SPTLC2: variants seen among roughly 807,000 people sequenced by gnomAD.
The protein encoded by SPTLC2 is serine palmitoyltransferase 2.
SPTLC2 carries 21 observed loss-of-function variants against 62.0 expected under a neutral mutation model. That is an observed-to-expected ratio of 0.34 (90% CI 0.24 to 0.49). SPTLC2 has a LOEUF of 0.49. SPTLC2 is among the 20% of genes least tolerant of loss of function. The probability of loss-of-function intolerance (pLI) is 0.99; values close to 1 mark genes in which losing one functional copy is unlikely to be tolerated. For synonymous variants in SPTLC2, 261 were observed against 261.8 expected, an observed-to-expected ratio of 1.00 and a Z score of 0.03; for missense variants, 511 against 713.0, an observed-to-expected ratio of 0.72 and a Z score of 3.23.
intron 2 of SPTLC2, among the ~76,000 whole-genome samples, chr14:77,593,543 A>G (rs2079830418): frequency 6.6e-6 from 1 of 152,246 alleles, no homozygotes; most frequent in South Asian, 2.1e-4. Context: ...ATAACAGAGG[A>G]TTAAGGGGTA....
At chr14:77,598,250 G>C (rs756599413) in intron 1 of SPTLC2, among the ~76,000 whole-genome samples, 6 of 152,028 alleles carry the variant, frequency 3.9e-5, no homozygotes, top group South Asian at 4.1e-4. Flanking sequence ...GTAAAAGAAG[G>C]GGAGCAAGAA....
At chr14:77,599,341 T>C (rs1460438992) in intron 1 of SPTLC2, among the ~76,000 whole-genome samples, 2 of 152,196 alleles carry the variant, frequency 1.3e-5, no homozygotes, top group African/African-American at 4.8e-5. Context: ...TTTCTTGCCC[T>C]CTCAGGCAAT....
At chr14:77,526,040 T>A (rs1356782475) in intron 9 of SPTLC2, among the ~76,000 whole-genome samples, 1 of 152,222 alleles carries the variant, frequency 6.6e-6, no homozygotes, top group Admixed American at 6.5e-5. Context: ...TTTAACTTAC[T>A]AATTTCAAAG....
chr14:77,543,827 GC>G (rs2066413528), intron 9 of SPTLC2, among the ~76,000 whole-genome samples: 1 of 152,022 alleles, frequency 6.6e-6, no homozygotes, highest in Non-Finnish European at 1.5e-5. Flanking sequence ...AGCATCCCAG[GC>G]ATTTAGAGTT....
At chr14:77,568,674 G>C (rs542986369) in intron 5 of SPTLC2, among the ~76,000 whole-genome samples, 2 of 151,980 alleles carry the variant, frequency 1.3e-5, no homozygotes, top group Non-Finnish European at 2.9e-5. Context: ...CAGGTGTGGT[G>C]GTGGGCGCCT....
intron 5 of SPTLC2, among the ~76,000 whole-genome samples, chr14:77,567,859 C>A (rs1475458884): frequency 4.8e-5 from 7 of 144,548 alleles, no homozygotes; most frequent in African/African-American, 7.6e-5. Flanking sequence ...TGGAGTCTGG[C>A]TGCTTTACTT....
chr14:77,615,782 G>C lies in SPTLC2; in HGVS notation c.132+666C>G, dbSNP rs2079963209. 2.0e-5 allele frequency among the ~76,000 whole-genome samples: 3 copies of C among 152,288 alleles called. No homozygotes were observed. In the South Asian group the frequency reaches 6.2e-4, roughly 32 times the overall value. On this transcript the variant is annotated intron_variant, in intron 1 of 11. Coordinates refer to ENST00000216484, the MANE Select transcript of SPTLC2 (RefSeq NM_004863.4). ...ACAATCCCCTTGTGTGATAGCACTC[G>C]TGTTCAGGAAAGGGTCGAAGGGGCC... is the stretch of plus-strand genomic sequence containing the variant.
At chr14:77,573,684 G>A (rs980347487) in intron 4 of SPTLC2, among the ~76,000 whole-genome samples, 2 of 152,166 alleles carry the variant, frequency 1.3e-5, no homozygotes, top group African/African-American at 4.8e-5. Flanking sequence ...GTGGAGTGCA[G>A]TGGTGTGATC....
intron 9 of SPTLC2, among the ~76,000 whole-genome samples, chr14:77,530,712 T>A (rs1275951837): frequency 2.6e-5 from 4 of 152,182 alleles, no homozygotes; most frequent in Non-Finnish European, 5.9e-5. Context: ...GAAACTAAAC[T>A]GATGCCCAGT....
Position 77,574,160 on chromosome 14 carries a change from A to G in SPTLC2, c.631+2607T>C, listed in dbSNP as rs575336060. ...TCACTCTGTTCTGATATTTTGTTACAGCAGCCACAGGAAACTAATACAACT... is the reference window on the plus strand; with the variant it reads ...TCACTCTGTTCTGATATTTTGTTACGGCAGCCACAGGAAACTAATACAACT... On this transcript the variant is annotated intron_variant, in intron 4 of 11. Transcript: ENST00000216484. 1.4e-3 allele frequency among the ~76,000 whole-genome samples: 216 copies of G among 152,330 alleles called. 3 individuals are homozygous for G. The highest frequency in any genetic ancestry group is 1.2e-3 in the Non-Finnish European group (79 of 68,026).
chr14:77,615,242 T>C (rs938049539), intron 1 of SPTLC2, among the ~76,000 whole-genome samples: 2 of 152,232 alleles, frequency 1.3e-5, no homozygotes, highest in Non-Finnish European at 1.5e-5. Context: ...TTTGACACCT[T>C]ACAACTTCAG....
At chr14:77,541,527 C>CG (rs1430464316) in intron 9 of SPTLC2, among the ~76,000 whole-genome samples, 3 of 152,060 alleles carry the variant, frequency 2.0e-5, no homozygotes, top group East Asian at 1.9e-4. Flanking sequence ...CATTTAGAAG[C>CG]GGGGGGTCCA....
chr14:77,531,833 C>G (rs1392268259), intron 9 of SPTLC2, among the ~76,000 whole-genome samples: 1 of 152,072 alleles, frequency 6.6e-6, no homozygotes, highest in African/African-American at 2.4e-5. Context: ...ATACTGCAAT[C>G]TGGGTGGTGA....
At chr14:77,542,421 C>T (rs1018521391) in intron 9 of SPTLC2, among the ~76,000 whole-genome samples, 9 of 152,112 alleles carry the variant, frequency 5.9e-5, no homozygotes, top group Non-Finnish European at 1.2e-4. Flanking sequence ...TCAACAGGCT[C>T]TTTATAAGCA....
chr14:77,522,903 G>A (rs552539075), intron 9 of SPTLC2, among the ~76,000 whole-genome samples: 19 of 152,278 alleles, frequency 1.2e-4, no homozygotes, highest in Admixed American at 1.2e-3. Context: ...CTTAGAATCA[G>A]AATACTAACA....
At chr14:77,528,491 A>C (rs1381906197) in intron 9 of SPTLC2, among the ~76,000 whole-genome samples, 1 of 152,138 alleles carries the variant, frequency 6.6e-6, no homozygotes, top group Non-Finnish European at 1.5e-5. Context: ...TCGGCCTCCC[A>C]AAGTGCTGGG....
intron 2 of SPTLC2, among the ~76,000 whole-genome samples, chr14:77,594,291 C>T (rs1199564837): frequency 6.6e-6 from 1 of 152,224 alleles, no homozygotes; most frequent in Non-Finnish European, 1.5e-5. Context: ...AATTCTTTCA[C>T]ACAAAGGATA....
chr14:77,587,456 C>A (rs1019897299), intron 2 of SPTLC2, among the ~76,000 whole-genome samples: 1 of 151,992 alleles, frequency 6.6e-6, no homozygotes, highest in African/African-American at 2.4e-5. Context: ...AAAAAAGCCT[C>A]AATATCCATT....
intron 9 of SPTLC2, among the ~76,000 whole-genome samples, chr14:77,550,632 T>C (rs1308958475): frequency 1.3e-5 from 2 of 151,606 alleles, no homozygotes; most frequent in African/African-American, 4.9e-5. Flanking sequence ...CTGGGTGTGG[T>C]GGCTCACAGC....
Sources: gnomAD v4.1 joint callset for allele counts (sites outside exome capture counted in the v4.1 genomes callset) on GRCh38, gnomAD v4.1.1 for gene constraint, MANE v1.5 for transcripts, NCBI Gene and HGNC (gene_info 2026-07-23, HGNC 2026-07-21) for gene names.